COL5A3: variants seen among roughly 807,000 people sequenced by gnomAD.
COL5A3 encodes collagen alpha-3(V) chain.
Under a neutral mutation model 250.0 loss-of-function variants are expected in COL5A3, and 172 were observed. That is an observed-to-expected ratio of 0.69 (90% CI 0.61 to 0.78). The LOEUF (loss-of-function observed/expected upper bound fraction) is 0.78, where lower values mean the gene tolerates loss of function less well. Ranked by LOEUF, COL5A3 falls within the 30% of genes least tolerant of loss-of-function variation. The pLI is 0.00. For synonymous variants in COL5A3, 937 were observed against 900.4 expected (o/e 1.04, Z -0.73); for missense variants, 2,340 against 2,334.4 (o/e 1.00, Z -0.05).
chr19:9,971,449 G>A (rs1472210059), intron 51 of COL5A3, among the ~76,000 whole-genome samples, 191 bp from the exon 52 acceptor site: 3 of 152,076 alleles, frequency 2.0e-5, no homozygotes, highest in Non-Finnish European at 1.5e-5. Context: ...TAAGAATGCC[G>A]CACGCATGGT....
chr19:9,974,140 C>T lies in COL5A3; in HGVS notation c.3504+31G>A, dbSNP rs745627491. On this transcript the variant is annotated intron_variant, in intron 47 of 66. Transcript: ENST00000264828. ...CGCCAACCTATAACCCCACCATCCT[C>T]CCCCTCCCACCTTCCTCTGGGAGTG... The T allele has an allele frequency of 1.9e-6, 3 of 1,606,562 alleles. No individual in the cohort carries two copies. In the South Asian group the frequency reaches 3.3e-5, roughly 18 times the overall value.
chr19:9,973,090 C>A, intron 50 of COL5A3, 64 bp from the exon 51 acceptor site: 1 of 1,438,142 alleles, frequency 7.0e-7, no homozygotes, highest in Admixed American at 2.2e-5. Context: ...GATTAGCATA[C>A]TTGGATTCAG....
At chr19:9,998,793 T>C (rs530310694) in intron 8 of COL5A3, among the ~76,000 whole-genome samples, 1 of 152,088 alleles carries the variant, frequency 6.6e-6, no homozygotes, top group East Asian at 1.9e-4. Context: ...CTAGCGATTC[T>C]CCTGCCTCAG....
chr19:10,008,531 T>C (rs1182080556), intron 1 of COL5A3, among the ~76,000 whole-genome samples: 1 of 151,952 alleles, frequency 6.6e-6, no homozygotes, highest in Non-Finnish European at 1.5e-5. Flanking sequence ...GGGTGGGGTC[T>C]GGGATGTGGA....
Position 9,965,974 on chromosome 19 carries a change from C to T in COL5A3, c.4782+340G>A, listed in dbSNP as rs1267900525. On this transcript the variant is annotated intron_variant, in intron 64 of 66. Coordinates refer to ENST00000264828, the MANE Select transcript of COL5A3 (RefSeq NM_015719.4). ...TCAGTCTCCAGAGTAGCTGGGACTACAGGCTCGCACCACCATGCCCGCCAG... is the reference window on the plus strand; with the variant it reads ...TCAGTCTCCAGAGTAGCTGGGACTATAGGCTCGCACCACCATGCCCGCCAG... Among the ~76,000 whole-genome samples the T allele has an allele frequency of 2.6e-5, 4 of 151,086 alleles. No individual in the cohort carries two copies. In the East Asian group the frequency reaches 7.8e-4, roughly 29 times the overall value.
At chr19:9,996,556 GCCC>G in intron 12 of COL5A3, 40 bp from the exon 13 acceptor site, 2 of 1,612,730 alleles carry the variant, frequency 1.2e-6, no homozygotes, top group Non-Finnish European at 1.7e-6. Flanking sequence ...CCCAGGAGAG[GCCC>G]CCTCCTGGAT....
intron 11 of COL5A3, 196 bp from the exon 12 acceptor site, chr19:9,996,885 A>G: frequency 1.7e-6 from 1 of 576,518 alleles, no homozygotes; most frequent in Non-Finnish European, 3.0e-6. Context: ...CAGAGATGGA[A>G]CAGAGACAAA....
At position 9,979,813 on chromosome 19, in the gene COL5A3, G is replaced by A. The variant is rs540282166; in HGVS notation, c.2712+26C>T. 3.3e-5 allele frequency: 51 copies of A among 1,566,244 alleles called. No individual in the cohort carries two copies. The East Asian group carries it at 9.6e-4, about 30-fold the overall frequency. The stretch of plus-strand genomic sequence containing the variant: ...AAAGAAAAAAAAAAAAAAGGATCAG[G>A]AATCAAAGGTTGAGGGGTTACTCAC... On this transcript the variant is annotated intron_variant, in intron 37 of 66. Transcript: ENST00000264828.
At chr19:9,991,864 G>A (rs370603520) in intron 22 of COL5A3, 23 bp from the exon 23 acceptor site, 2 of 1,606,708 alleles carry the variant, frequency 1.2e-6, no homozygotes, top group East Asian at 4.5e-5. Context: ...TGGGGTTTCA[G>A]TGAAGCTAAG....
rs530069453 is a variant in COL5A3 at position 9,993,716 on chromosome 19, G to A, written c.1641+37C>T. 3.1e-6 allele frequency: 5 copies of A among 1,614,028 alleles called. No individual in the cohort carries two copies. The Admixed American group carries it at 5.0e-5, about 16-fold the overall frequency. On this transcript the variant is annotated intron_variant, in intron 17 of 66. Transcript: ENST00000264828. ...GAGCCTTGACCCCATAAGCCTGACA[G>A]CTCCCACCAAGTCTTATCTCAGCCC...
Position 10,006,119 on chromosome 19 carries a change from A to T in COL5A3, c.201T>A (p.Ile67=), listed in dbSNP as rs747281737. The T allele has an allele frequency of 1.9e-6, 3 of 1,613,864 alleles. No homozygotes were observed. Among genetic ancestry groups the T allele is most frequent in the Non-Finnish European group, 2.5e-6 (3 of 1,179,890 alleles). ...GGATGCCGAGCGTGCTGGCCTGGCC[A>T]ATTCTGAATGCCCGGTCACCCTCTG... The part of the protein sequence containing the change: ...RTPEGDRAFR[I]GQASTLGIPT... The change falls in exon 2 of 67, where the codon ATT becomes ATA. Residue 67 remains isoleucine, a synonymous_variant. Transcript: ENST00000264828.
In COL5A3 at chr19:9,993,670, A is replaced by G. The variant is rs2087228884; in HGVS notation, c.1644T>C (p.Gly548=). 6.2e-7 allele frequency: 1 copy of G among 1,614,042 alleles called. No homozygotes were observed. The highest frequency in any genetic ancestry group is 8.5e-7 in the Non-Finnish European group (1 of 1,180,002). ...CAGGGAGGCCATCGAAGCCACGATC[A>G]CCCTGTCCAGAGACACCAGTGAGCC... ...RGLPGDTGPK[G]DRGFDGLPGL... Residue 548 remains glycine, a splice_region_variant and synonymous_variant, in exon 18 of 67, where the codon GGT becomes GGC. Coordinates refer to ENST00000264828, the MANE Select transcript of COL5A3 (RefSeq NM_015719.4).
At chr19:9,989,285 C>G (rs761371109) in intron 26 of COL5A3, 37 bp downstream of exon 26, 1 of 1,613,926 alleles carries the variant, frequency 6.2e-7, no homozygotes. Context: ...CCTCCCGACC[C>G]TCGTCCCCAA....
At chr19:9,997,547 C>A (rs975919133) in intron 10 of COL5A3, 114 bp from the exon 11 acceptor site, 1 of 648,146 alleles carries the variant, frequency 1.5e-6, no homozygotes, top group Non-Finnish European at 2.7e-6. Context: ...ACTACAGAGC[C>A]ACTCCAACTC....
In COL5A3 at chr19:9,971,007, C is replaced by A; in HGVS notation, c.3850G>T (p.Glu1284Ter). The A allele has an allele frequency of 6.4e-7, 1 of 1,557,808 alleles. No individual in the cohort carries two copies. The highest frequency in any genetic ancestry group is 2.0e-5 in the Admixed American group (1 of 50,106). Reference protein sequence around the residue: ...GVSGIDGSPGEKGDPGDVGGP... With the variant: ...GVSGIDGSPG ...CCAACATCACCAGGGTCTCCCTTCT[C>A]CCCTGGGGAACCATCTATGCCCTGC... is the stretch of plus-strand genomic sequence containing the variant. Residue 1284 changes from glutamate to a stop codon, truncating the protein, a stop_gained, in exon 53 of 67, where the codon GAG becomes TAG. Transcript: ENST00000264828. LOFTEE classifies it high-confidence loss of function.
At chr19:9,999,493 A>T (rs1599225794) in intron 8 of COL5A3, among the ~76,000 whole-genome samples, 1 of 119,280 alleles carries the variant, frequency 8.4e-6, no homozygotes, top group African/African-American at 3.6e-5. Context: ...TTTGAGACAG[A>T]GTCTCCCTCT....
In COL5A3 at chr19:9,986,395, C is replaced by T. The variant is rs201012178; in HGVS notation, c.2272G>A (p.Gly758Arg). 9.4e-5 allele frequency: 152 copies of T among 1,612,052 alleles called. No individual in the cohort carries two copies. The Middle Eastern group carries it at 9.9e-4, about 11-fold the overall frequency. Residue 758 changes from glycine to arginine, a missense_variant, in exon 30 of 67, where the codon GGA becomes AGA. Gly to Arg is a moderately radical substitution (Grantham distance 125). Coordinates refer to ENST00000264828, the MANE Select transcript of COL5A3 (RefSeq NM_015719.4). Reference sequence around the variant, plus strand: ...TTCGGCCCCTCAGGACCATCCTCTCCCCGGGGACCTGGAGCTCCGGGTTTC... The same window carrying T: ...TTCGGCCCCTCAGGACCATCCTCTCTCCGGGGACCTGGAGCTCCGGGTTTC... ...QGKPGAPGPR[G>R]EDGPEGPKGQ...
chr19:9,968,591 G>T lies in COL5A3; in HGVS notation c.4206+84C>A. On this transcript the variant is annotated intron_variant, in intron 58 of 66. Coordinates refer to ENST00000264828, the MANE Select transcript of COL5A3 (RefSeq NM_015719.4). The surrounding 1 kb of genome is among the most constrained non-coding windows in gnomAD (Gnocchi z 4.1). ...GGTGATGAGTTTGGGAGCAGAGGAT[G>T]CACCAATCTCCCAGCCCCCCAGCCA... is the stretch of plus-strand genomic sequence containing the variant. The T allele has an allele frequency of 6.4e-7, 1 of 1,573,434 alleles. No homozygotes were observed. Among genetic ancestry groups the T allele is most frequent in the Non-Finnish European group, 8.7e-7 (1 of 1,146,656 alleles).
rs754722754 is a variant in COL5A3, at chr19:9,979,436, T to TGTGGGGGCGGTGTTAC, written c.2713-35_2713-20dup. 6.2e-7 allele frequency: 1 copy of TGTGGGGGCGGTGTTAC among 1,613,680 alleles called. No individual in the cohort carries two copies. The highest frequency in any genetic ancestry group is 1.1e-5 in the South Asian group (1 of 91,060). On this transcript the variant is annotated intron_variant, in intron 37 of 66. Transcript: ENST00000264828. ...GGAAGCCCTAGAGAGAAAAATTAAA[T>TGTGGGGGCGGTGTTAC]GTGGGGGCGGTGTTACATGGGGAAG... is the stretch of plus-strand genomic sequence containing the variant.
Sources: allele counts gnomAD v4.1 joint callset (sites outside exome capture counted in the v4.1 genomes callset), GRCh38; gene constraint gnomAD v4.1.1; non-coding constraint Gnocchi (gnomAD v3.1); transcripts MANE v1.5; gene names NCBI Gene and HGNC (gene_info 2026-07-23, HGNC 2026-07-21).